ZFHX3: variants seen among roughly 807,000 people sequenced by gnomAD.
The protein encoded by ZFHX3 is zinc finger homeobox 3, also known as zinc finger homeobox protein 3.
In ZFHX3, 42 loss-of-function variants were observed where a neutral mutation model predicts 279.1. That is an observed-to-expected ratio of 0.15 (90% CI 0.12 to 0.19). The LOEUF is 0.19. ZFHX3 is among the 10% of genes least tolerant of loss of function. The pLI is 1.00. For missense variants in ZFHX3, 4,981 were observed against 4,754.0 expected (o/e 1.05, Z -1.40); for synonymous variants, 2,293 against 1,957.8 (o/e 1.17, Z -4.52).
intron 2 of ZFHX3, among the ~76,000 whole-genome samples, chr16:73,676,106 A>G (rs1446515132): frequency 6.6e-6 from 1 of 152,142 alleles, no homozygotes; most frequent in African/African-American, 2.4e-5. Flanking sequence ...GAAAAAGTAT[A>G]AGAATCATAT....
At chr16:73,647,073 C>T (rs1186328500) in intron 2 of ZFHX3, among the ~76,000 whole-genome samples, 1 of 142,626 alleles carries the variant, frequency 7.0e-6, no homozygotes, top group Non-Finnish European at 1.5e-5. Context: ...GAGTGTGTGG[C>T]GCGATCTCGG....
intron 4 of ZFHX3, among the ~76,000 whole-genome samples, chr16:73,266,421 CT>C (rs1440428471): frequency 6.6e-6 from 1 of 152,096 alleles, no homozygotes; most frequent in East Asian, 1.9e-4. Flanking sequence ...CTATACTTCC[CT>C]TTTGAGATTC....
At chr16:73,416,148 G>C (rs12103414) in intron 3 of ZFHX3, among the ~76,000 whole-genome samples, 1 of 146,740 alleles carries the variant, frequency 6.8e-6, no homozygotes, top group Non-Finnish European at 1.5e-5. Context: ...ACAAAAAACG[G>C]AAAACAAACA....
rs1567515721 is a variant in ZFHX3 at position 73,546,737 on chromosome 16, T to TGCTGC, written c.-1546-90480_-1546-90479insGCAGC. Reference sequence around the variant, plus strand: ...GCTGCTGCTGCTGCTGCTGCTGCTGTTGCTTCTTTTTCGGCTTCTTCTTCT... The same window carrying TGCTGC: ...GCTGCTGCTGCTGCTGCTGCTGCTGTGCTGCTGCTTCTTTTTCGGCTTCTTCTTCT... On this transcript the variant is annotated intron_variant, in intron 2 of 17. Transcript: ENST00000641206. Among the ~76,000 whole-genome samples the TGCTGC allele has an allele frequency of 2.9e-5, 4 of 135,916 alleles. No homozygotes were observed. In the South Asian group the frequency reaches 9.6e-4, roughly 33 times the overall value. The allele number at this position is 135,916 out of a possible 152,430, so 89.2% of individuals were successfully genotyped here. A position where few individuals can be genotyped will look rare whatever the true frequency, so the allele number is the denominator to read the frequency against.
intron 4 of ZFHX3, among the ~76,000 whole-genome samples, chr16:72,880,335 G>C (rs2038429049): frequency 6.6e-6 from 1 of 152,308 alleles, no homozygotes; most frequent in Non-Finnish European, 1.5e-5. Context: ...AGTACCTGAG[G>C]ATGTAGCTAT....
chr16:72,922,519 G>C (rs1737737589), intron 3 of ZFHX3, among the ~76,000 whole-genome samples: 1 of 152,124 alleles, frequency 6.6e-6, no homozygotes, highest in African/African-American at 2.4e-5. Flanking sequence ...CCACCATCAA[G>C]GATGGCTTTA....
At chr16:73,393,541 G>A (rs1202335959) in intron 3 of ZFHX3, among the ~76,000 whole-genome samples, 1 of 152,200 alleles carries the variant, frequency 6.6e-6, no homozygotes, top group Non-Finnish European at 1.5e-5. Flanking sequence ...TATTTGCGCT[G>A]TTCACAACTT....
chr16:72,947,207 G>A (rs542887896), intron 3 of ZFHX3, among the ~76,000 whole-genome samples: 4 of 152,288 alleles, frequency 2.6e-5, no homozygotes, highest in African/African-American at 7.2e-5. Context: ...CGGGCCCTGC[G>A]GCATTCCCCT....
intron 1 of ZFHX3, among the ~76,000 whole-genome samples, chr16:72,974,650 C>T (rs1962268539): frequency 1.3e-5 from 2 of 152,008 alleles, no homozygotes; most frequent in African/African-American, 4.8e-5. Context: ...TATCCCTGGC[C>T]TGCTGGCATA....
intron 4 of ZFHX3, among the ~76,000 whole-genome samples, chr16:72,844,878 C>T (rs118120281): frequency 0.012 from 1,856 of 152,120 alleles, 19 homozygotes; most frequent in Non-Finnish European, 0.019. Flanking sequence ...CCTCCCCTTC[C>T]TCATTTCCGA....
intron 3 of ZFHX3, among the ~76,000 whole-genome samples, chr16:73,405,497 T>C (rs1445120126): frequency 6.6e-6 from 1 of 152,160 alleles, no homozygotes; most frequent in Non-Finnish European, 1.5e-5. Context: ...GTATTTTCAG[T>C]GGATTGATCT....
chr16:73,816,406 C>T (rs965065749), intron 1 of ZFHX3, among the ~76,000 whole-genome samples: 2 of 152,126 alleles, frequency 1.3e-5, no homozygotes, highest in Non-Finnish European at 2.9e-5. Flanking sequence ...ACCCCCCAGC[C>T]AAGTCCAGAC....
chr16:72,960,354 A>C (rs1301714084), intron 1 of ZFHX3, among the ~76,000 whole-genome samples, 160 bp from the exon 2 acceptor site: 1 of 152,096 alleles, frequency 6.6e-6, no homozygotes, highest in Admixed American at 6.5e-5. Flanking sequence ...GCCTGGGGAC[A>C]CTGCCCCACA....
intron 2 of ZFHX3, among the ~76,000 whole-genome samples, chr16:73,620,366 G>T (rs1359645863): frequency 6.6e-6 from 1 of 152,098 alleles, no homozygotes; most frequent in African/African-American, 2.4e-5. Context: ...AATAAATGGG[G>T]GAAAAAAACA....
At chr16:73,459,149 C>T (rs1487621768) in intron 2 of ZFHX3, among the ~76,000 whole-genome samples, 1 of 152,196 alleles carries the variant, frequency 6.6e-6, no homozygotes, top group Non-Finnish European at 1.5e-5. Flanking sequence ...TGGAAAAGCT[C>T]ATGGAGTCCC....
intron 4 of ZFHX3, among the ~76,000 whole-genome samples, chr16:73,291,102 A>G (rs2014757451): frequency 6.6e-6 from 1 of 152,204 alleles, no homozygotes; most frequent in Admixed American, 6.5e-5. Flanking sequence ...CCCACAGCAC[A>G]GAAGTGCAGT....
At chr16:73,541,083 T>C (rs576457829) in intron 2 of ZFHX3, among the ~76,000 whole-genome samples, 1 of 152,280 alleles carries the variant, frequency 6.6e-6, no homozygotes, top group East Asian at 1.9e-4. Flanking sequence ...ACCCAGAGCC[T>C]CATTCTCCAC....
rs1027151708 is a variant in ZFHX3 at position 72,960,365 on chromosome 16, C to T, written c.-49-171G>A. ...GCGGGCCTGGGGACACTGCCCCACA[C>T]GGTCCAGCACACAGGGGTGGCATGG... On this transcript the variant is annotated intron_variant, in intron 1 of 9. Coordinates refer to ENST00000268489, the MANE Select transcript of ZFHX3 (RefSeq NM_006885.4). Among the ~76,000 whole-genome samples, 11 of 152,096 alleles carry T rather than the reference C, an allele frequency of 7.2e-5. 1 individual carries two copies. Among genetic ancestry groups the T allele is most frequent in the Admixed American group, 4.6e-4 (7 of 15,278 alleles).
intron 5 of ZFHX3, among the ~76,000 whole-genome samples, chr16:73,169,914 C>T (rs928329550): frequency 6.6e-6 from 1 of 152,148 alleles, no homozygotes; most frequent in Non-Finnish European, 1.5e-5. Flanking sequence ...AGGTTCTCTC[C>T]TACTCTGTAC....
Sources: allele counts gnomAD v4.1 joint callset (sites outside exome capture counted in the v4.1 genomes callset), GRCh38; gene constraint gnomAD v4.1.1; transcripts MANE v1.5; gene names NCBI Gene and HGNC (gene_info 2026-07-23, HGNC 2026-07-21).